LHCGR: variants seen among roughly 807,000 people sequenced by gnomAD.
The protein encoded by LHCGR is luteinizing hormone/choriogonadotropin receptor, also known as lutropin-choriogonadotropic hormone receptor.
LHCGR carries 55 observed loss-of-function variants against 60.7 expected under a neutral mutation model. That is an observed-to-expected ratio of 0.91 (90% confidence interval 0.73 to 1.13). LHCGR has a LOEUF of 1.13. Among genes scored for constraint, LHCGR ranks in the 50% most tolerant of loss-of-function variants. The pLI is 0.00. For missense variants in LHCGR, 862 were observed against 836.0 expected (o/e 1.03, Z -0.38); for synonymous variants, 337 against 316.5 (o/e 1.06, Z -0.69).
At chr2:48,745,103 C>T (rs1373095415) in intron 1 of LHCGR, among the ~76,000 whole-genome samples, 1 of 152,170 alleles carries the variant, frequency 6.6e-6, no homozygotes, top group African/African-American at 2.4e-5. Context: ...AAGTGCTCAC[C>T]ATCACTGGCC....
chr2:48,716,536 C>T (rs1668258501), intron 6 of LHCGR, among the ~76,000 whole-genome samples: 1 of 152,120 alleles, frequency 6.6e-6, no homozygotes, highest in Admixed American at 6.5e-5. Flanking sequence ...ACTAGCTCTA[C>T]CATGTTGGAT....
intron 1 of LHCGR, among the ~76,000 whole-genome samples, chr2:48,736,363 C>A (rs140197468): frequency 5.9e-5 from 9 of 152,286 alleles, no homozygotes; most frequent in Middle Eastern, 6.8e-3. Context: ...CAATTCTTAC[C>A]TGGGCCCTGA....
At chr2:48,703,862 A>G (rs1667528210) in intron 8 of LHCGR, among the ~76,000 whole-genome samples, 1 of 152,188 alleles carries the variant, frequency 6.6e-6, no homozygotes, top group Non-Finnish European at 1.5e-5. Flanking sequence ...CTCTTTTCCT[A>G]AATGAATACC....
intron 1 of LHCGR, among the ~76,000 whole-genome samples, chr2:48,742,206 C>G (rs982969501): frequency 2.0e-5 from 3 of 151,890 alleles, no homozygotes; most frequent in Admixed American, 6.6e-5. Flanking sequence ...TCCTGAGTGA[C>G]CTACAAAGAG....
intron 4 of LHCGR, among the ~76,000 whole-genome samples, chr2:48,724,411 A>G (rs760393833): frequency 5.9e-5 from 9 of 152,196 alleles, no homozygotes; most frequent in Admixed American, 5.2e-4. Context: ...TTCACCAGTC[A>G]TGGGATCTGG....
intron 2 of LHCGR, among the ~76,000 whole-genome samples, chr2:48,730,948 A>G (rs1199131205): frequency 6.6e-6 from 1 of 152,196 alleles, no homozygotes; most frequent in Admixed American, 6.6e-5. Context: ...TATGATTGGA[A>G]TCTATCTTTT....
intron 1 of LHCGR, among the ~76,000 whole-genome samples, chr2:48,748,243 T>C (rs2103726863): frequency 6.6e-6 from 1 of 152,336 alleles, no homozygotes; most frequent in South Asian, 2.1e-4. Context: ...ATGGTATCTT[T>C]GGATCCTGCA....
At chr2:48,723,836 G>T (rs1196588922) in intron 4 of LHCGR, 140 bp from the exon 5 acceptor site, 3 of 703,744 alleles carry the variant, frequency 4.3e-6, no homozygotes, top group Non-Finnish European at 7.6e-6. Context: ...TGAGTTTGGT[G>T]TTATCAGGAC....
rs1333612895 is a variant in LHCGR at position 48,738,236 on chromosome 2, C to T, written c.162-6938G>A. Among the ~76,000 whole-genome samples, 5 of 151,834 alleles carry T rather than the reference C, an allele frequency of 3.3e-5. No homozygotes were observed. The East Asian group carries it at 9.7e-4, about 29-fold the overall frequency. ...ACTTAATTACTACACTATTTTTTTTCCCTTCAGTATTATTTGAGAATTTAC... is the reference window on the plus strand; with the variant it reads ...ACTTAATTACTACACTATTTTTTTTTCCTTCAGTATTATTTGAGAATTTAC... On this transcript the variant is annotated intron_variant, in intron 1 of 10. Transcript: ENST00000294954.
chr2:48,730,143 G>T (rs1386119998), intron 2 of LHCGR, among the ~76,000 whole-genome samples: 5 of 152,334 alleles, frequency 3.3e-5, no homozygotes, highest in African/African-American at 9.6e-5. Context: ...ACTGATGAGA[G>T]CATTAGCCCA....
chr2:48,698,048 A>G (rs1172664881), intron 9 of LHCGR, among the ~76,000 whole-genome samples: 1 of 152,178 alleles, frequency 6.6e-6, no homozygotes, highest in East Asian at 1.9e-4. Flanking sequence ...CCCTGGACTG[A>G]ACGGAATCAG....
chr2:48,745,763 G>C (rs1469555994), intron 1 of LHCGR, among the ~76,000 whole-genome samples: 2 of 151,424 alleles, frequency 1.3e-5, no homozygotes, highest in Non-Finnish European at 2.9e-5. Context: ...GAGTTAGTGG[G>C]TGCAGCGCAC....
chr2:48,697,682 A>T (rs1949778), intron 9 of LHCGR, among the ~76,000 whole-genome samples: 36,590 of 152,130 alleles, frequency 0.24, 4,997 homozygotes, highest in Middle Eastern at 0.42. Context: ...TCACTCTCTC[A>T]GTGCCTTATC....
intron 8 of LHCGR, among the ~76,000 whole-genome samples, chr2:48,702,347 T>C (rs1048932451): frequency 2.0e-5 from 3 of 151,988 alleles, no homozygotes; most frequent in African/African-American, 7.3e-5. Flanking sequence ...ATATGCCACG[T>C]TGGTTTGCTG....
intron 1 of LHCGR, among the ~76,000 whole-genome samples, chr2:48,746,320 G>C (rs1034312434): frequency 6.6e-6 from 1 of 152,168 alleles, no homozygotes; most frequent in Non-Finnish European, 1.5e-5. Context: ...ACTTTCCTCT[G>C]ATTAGGACAA....
chr2:48,715,626 G>A (rs1301979293), intron 6 of LHCGR, among the ~76,000 whole-genome samples: 1 of 152,134 alleles, frequency 6.6e-6, no homozygotes, highest in Non-Finnish European at 1.5e-5. Context: ...AACAAAATGA[G>A]CATGGAGCTT....
At chr2:48,693,404 T>G (rs1023502877) in intron 10 of LHCGR, among the ~76,000 whole-genome samples, 3 of 152,180 alleles carry the variant, frequency 2.0e-5, no homozygotes, top group African/African-American at 7.2e-5. Flanking sequence ...TTCCAAAGAT[T>G]CATATACTTG....
chr2:48,734,556 C>A (rs1210938691), intron 1 of LHCGR, among the ~76,000 whole-genome samples: 1 of 68,278 alleles, frequency 1.5e-5, no homozygotes, highest in East Asian at 2.9e-4. Context: ...ACCTTTCTTC[C>A]TCCTCCTTCC....
chr2:48,697,757 C>A (rs1375767072), intron 9 of LHCGR, among the ~76,000 whole-genome samples: 1 of 152,054 alleles, frequency 6.6e-6, no homozygotes, highest in Non-Finnish European at 1.5e-5. Flanking sequence ...AGTGTTGTTC[C>A]AACTGTGAGT....
Sources: gnomAD v4.1 joint callset for allele counts (sites outside exome capture counted in the v4.1 genomes callset) on GRCh38, gnomAD v4.1.1 for gene constraint, MANE v1.5 for transcripts, NCBI Gene and HGNC (gene_info 2026-07-23, HGNC 2026-07-21) for gene names.